The following NVL variants were observed in gnomAD, a reference collection of about 807,000 sequenced individuals.
The protein encoded by NVL is nuclear VCP like, also known as nuclear valosin-containing protein-like.
A neutral mutation model predicts 110.2 loss-of-function variants in NVL; 84 were observed. The observed-to-expected ratio is 0.76, with a 90% CI of 0.64 to 0.91. The LOEUF (loss-of-function observed/expected upper bound fraction) is 0.91, where lower values mean the gene tolerates loss of function less well. Among genes scored for constraint, NVL ranks in the 40% least tolerant of loss-of-function variants. NVL has a pLI of 0.00. For missense variants in NVL, 882 were observed against 1,035.9 expected, an observed-to-expected ratio of 0.85 and a Z score of 2.04; for synonymous variants, 354 against 361.1, an observed-to-expected ratio of 0.98 and a Z score of 0.22.
intron 19 of NVL, among the ~76,000 whole-genome samples, chr1:224,238,372 T>C (rs143117657): frequency 2.0e-5 from 3 of 152,148 alleles, no homozygotes; most frequent in Non-Finnish European, 4.4e-5. Flanking sequence ...CCTGGCAAAG[T>C]GCTCCAGGCA....
At chr1:224,322,239 G>A (rs1282754490) in intron 2 of NVL, among the ~76,000 whole-genome samples, 1 of 145,982 alleles carries the variant, frequency 6.9e-6, no homozygotes, top group Non-Finnish European at 1.5e-5. Flanking sequence ...TGCATGCCAC[G>A]CTAATTTTTT....
chr1:224,307,867 T>G (rs1572025635), intron 6 of NVL, 124 bp downstream of exon 6: 2 of 818,156 alleles, frequency 2.4e-6, no homozygotes, highest in South Asian at 2.6e-5. Context: ...GTGATCAAAT[T>G]CTCCATATAT....
intron 22 of NVL, among the ~76,000 whole-genome samples, chr1:224,229,474 G>A (rs561046627): frequency 3.3e-5 from 5 of 151,364 alleles, no homozygotes; most frequent in East Asian, 3.9e-4. Flanking sequence ...TCAATCTGTC[G>A]CCCAGGCTGG....
rs572385774 is a variant in NVL, at chr1:224,262,130, G to A, written c.2182+5904C>T. ...AGAAGATGAAAAATAAGAAAAAAGA[G>A]GACATTTAGGAGATCAGTCCAGGAG... On this transcript the variant is annotated intron_variant, in intron 18 of 22. Coordinates refer to ENST00000281701, the MANE Select transcript of NVL (RefSeq NM_002533.4). Among the ~76,000 whole-genome samples, 540 of 152,182 alleles carry A rather than the reference G, an allele frequency of 3.5e-3. 4 individuals carry two copies. The highest frequency in any genetic ancestry group is 0.012 in the African/African-American group (507 of 41,548).
At chr1:224,303,085 G>A (rs1668578801) in intron 9 of NVL, 1 of 172,090 alleles carries the variant, frequency 5.8e-6, no homozygotes. Context: ...TGGGTTAAAG[G>A]GAAAGCAAAG....
intron 19 of NVL, among the ~76,000 whole-genome samples, chr1:224,239,537 G>A (rs770461002): frequency 2.0e-5 from 3 of 152,156 alleles, no homozygotes; most frequent in Non-Finnish European, 2.9e-5. Flanking sequence ...CTGTCACACT[G>A]TCACATTAAC....
chr1:224,245,140 T>A (rs1436610798), intron 19 of NVL, among the ~76,000 whole-genome samples: 2 of 152,220 alleles, frequency 1.3e-5, no homozygotes, highest in African/African-American at 4.8e-5. Context: ...GAGAAAATTG[T>A]ATATAAAACA....
At chr1:224,235,902 C>T (rs1303328374) in intron 20 of NVL, among the ~76,000 whole-genome samples, 1 of 148,212 alleles carries the variant, frequency 6.7e-6, no homozygotes, top group Non-Finnish European at 1.5e-5. Flanking sequence ...CACTGTACTC[C>T]AGCCTGGGTG....
chr1:224,294,187 G>T, intron 12 of NVL, 80 bp downstream of exon 12: 3 of 1,396,514 alleles, frequency 2.1e-6, no homozygotes, highest in South Asian at 1.2e-5. Flanking sequence ...AAGGCTACTT[G>T]GTATTTCTCA....
intron 11 of NVL, 52 bp from the exon 12 acceptor site, chr1:224,294,463 A>T (rs772065765): frequency 1.9e-6 from 3 of 1,567,846 alleles, no homozygotes; most frequent in Non-Finnish European, 2.6e-6. Context: ...CACTGACGGC[A>T]ATAATGGTTA....
At chr1:224,267,958 T>C in intron 18 of NVL, 76 bp downstream of exon 18, 1 of 990,540 alleles carries the variant, frequency 1.0e-6, no homozygotes, top group African/African-American at 1.6e-5. Flanking sequence ...CTTTTATTTT[T>C]AATTATCTGA....
At chr1:224,263,307 G>A (rs757727601) in intron 18 of NVL, among the ~76,000 whole-genome samples, 19 of 152,194 alleles carry the variant, frequency 1.2e-4, no homozygotes, top group Admixed American at 9.2e-4. Flanking sequence ...TAGTTTTCTC[G>A]TAGGGCTGTT....
At chr1:224,259,430 G>A (rs1478609077) in intron 18 of NVL, among the ~76,000 whole-genome samples, 3 of 152,064 alleles carry the variant, frequency 2.0e-5, no homozygotes, top group Non-Finnish European at 4.4e-5. Context: ...TGGGATGGCT[G>A]TAAAGCTATG....
intron 16 of NVL, among the ~76,000 whole-genome samples, chr1:224,277,016 C>G (rs1665841675): frequency 1.4e-5 from 2 of 146,554 alleles, no homozygotes; most frequent in Non-Finnish European, 3.0e-5. Context: ...AACTGTTTTA[C>G]TATCATTTGA....
At chr1:224,294,881 T>C (rs1054707470) in intron 11 of NVL, among the ~76,000 whole-genome samples, 3 of 152,192 alleles carry the variant, frequency 2.0e-5, no homozygotes, top group Non-Finnish European at 4.4e-5. Context: ...GGGTCAAGCA[T>C]GCATGGCACA....
Position 224,233,193 on chromosome 1 carries a change from A to C in NVL, c.2455+8T>G. ...ATTAGAATTGAGAGATTCTGGAGAG[A>C]ATTGTACCTTTTTCATTTCCACTCT... is the stretch of plus-strand genomic sequence containing the variant. On this transcript the variant is annotated splice_region_variant and intron_variant, in intron 21 of 22. Transcript: ENST00000281701. The C allele has an allele frequency of 2.5e-6, 4 of 1,607,614 alleles. No individual in the cohort carries two copies. The highest frequency in any genetic ancestry group is 3.4e-6 in the Non-Finnish European group (4 of 1,176,918).
chr1:224,243,882 G>C (rs190271908), intron 19 of NVL, among the ~76,000 whole-genome samples: 1 of 151,380 alleles, frequency 6.6e-6, no homozygotes, highest in African/African-American at 2.4e-5. Flanking sequence ...AGTAGGTCTC[G>C]AACTCCTGAC....
chr1:224,281,942 GACTCTGTCTCAAAAAAA>G (rs1666383818), intron 15 of NVL, among the ~76,000 whole-genome samples: 1 of 140,110 alleles, frequency 7.1e-6, no homozygotes, highest in Non-Finnish European at 1.5e-5. Context: ...GACAGAGCGA[GACTCTGTCTCAAAAAAA>G]AAAAAAAAGG....
At chr1:224,299,343 G>T (rs545108493) in intron 10 of NVL, among the ~76,000 whole-genome samples, 1 of 152,358 alleles carries the variant, frequency 6.6e-6, no homozygotes, top group South Asian at 2.1e-4. Flanking sequence ...ATGGTCATCA[G>T]AATGTGGCCT....
Sources: gnomAD v4.1 joint callset for allele counts (sites outside exome capture counted in the v4.1 genomes callset) on GRCh38, gnomAD v4.1.1 for gene constraint, MANE v1.5 for transcripts, NCBI Gene and HGNC (gene_info 2026-07-23, HGNC 2026-07-21) for gene names.